The following LARP4 variants were observed in gnomAD, a reference collection of about 807,000 sequenced individuals.
LARP4 encodes la-related protein 4.
LARP4 carries 29 observed loss-of-function variants against 92.9 expected under a neutral mutation model. The ratio of observed to expected loss-of-function variants is 0.31; its 90% CI spans 0.23 to 0.43. LARP4 has a LOEUF of 0.43. Among genes scored for constraint, LARP4 ranks in the 20% least tolerant of loss-of-function variants. The probability of loss-of-function intolerance (pLI) is 1.00; values close to 1 mark genes in which losing one functional copy is unlikely to be tolerated. For synonymous variants in LARP4, 279 were observed against 284.1 expected, an observed-to-expected ratio of 0.98 and a Z score of 0.18; for missense variants, 732 against 860.0, an observed-to-expected ratio of 0.85 and a Z score of 1.86.
intron 8 of LARP4, among the ~76,000 whole-genome samples, chr12:50,448,907 A>G (rs1335127586): frequency 6.6e-6 from 1 of 152,174 alleles, no homozygotes; most frequent in African/African-American, 2.4e-5. Flanking sequence ...TCAAGTACCT[A>G]GTCACTTTTC....
intron 11 of LARP4, 47 bp downstream of exon 11, chr12:50,461,394 C>G: frequency 6.7e-7 from 1 of 1,502,236 alleles, no homozygotes; most frequent in Non-Finnish European, 9.2e-7. Context: ...ATGTGATCAT[C>G]CTGAATAATT....
chr12:50,413,646 G>A (rs1946285885), intron 1 of LARP4, among the ~76,000 whole-genome samples: 1 of 152,148 alleles, frequency 6.6e-6, no homozygotes, highest in African/African-American at 2.4e-5. Flanking sequence ...TGGGACCACT[G>A]TTGTACATGC....
chr12:50,421,700 G>A (rs1290134434), intron 1 of LARP4, among the ~76,000 whole-genome samples: 1 of 149,810 alleles, frequency 6.7e-6, no homozygotes, highest in Non-Finnish European at 1.5e-5. Flanking sequence ...TACTTTGTAA[G>A]TGGGGAGAAC....
intron 1 of LARP4, among the ~76,000 whole-genome samples, chr12:50,410,500 G>A (rs1040919930): frequency 1.3e-5 from 2 of 151,416 alleles, no homozygotes; most frequent in Admixed American, 6.6e-5. Context: ...CCACCTCCTG[G>A]GTTCACGCCA....
Position 50,427,748 on chromosome 12 carries a change from C to T in LARP4, c.19-14C>T. On this transcript the variant is annotated splice_polypyrimidine_tract_variant and intron_variant, in intron 1 of 15. Transcript: ENST00000398473. ...GATTTTAAAAATTTACAAATAGATC[C>T]TTCGATTATTTAGCAGGTAGCATCT... 4 of 1,464,412 alleles carry T rather than the reference C, an allele frequency of 2.7e-6. No individual in the cohort carries two copies. The highest frequency in any genetic ancestry group is 1.6e-5 in the South Asian group (1 of 64,222). 90.7% of individuals were successfully genotyped at this position (1,464,412 alleles called of 1,614,324 possible).
Position 50,453,561 on chromosome 12 carries a change from C to A in LARP4, c.906C>A (p.Ala302=), listed in dbSNP as rs372920975. 4 of 1,611,876 alleles carry A rather than the reference C, an allele frequency of 2.5e-6. No individual in the cohort carries two copies. In the African/African-American group the frequency reaches 5.3e-5, roughly 22 times the overall value. ...CCATTCAAACTCAAGCACAGTATGC[C>A]TCCCCAGTCTTTATGCAGCCTGTAT... ...SHPIQTQAQY[A]SPVFMQPVYN... Residue 302 remains alanine, a synonymous_variant, in exon 9 of 16, where the codon GCC becomes GCA. Transcript: ENST00000398473.
chr12:50,436,730 A>C (rs1950514639), intron 5 of LARP4, among the ~76,000 whole-genome samples: 1 of 152,204 alleles, frequency 6.6e-6, no homozygotes, highest in African/African-American at 2.4e-5. Flanking sequence ...ATTTGACTGA[A>C]TAAGGCAGAT....
chr12:50,464,230 G>T (rs1955847384), intron 12 of LARP4, among the ~76,000 whole-genome samples: 1 of 152,226 alleles, frequency 6.6e-6, no homozygotes, highest in African/African-American at 2.4e-5. Context: ...AGGCTGTACA[G>T]GAAGCATGAT....
chr12:50,414,213 T>G (rs573875893), intron 1 of LARP4, among the ~76,000 whole-genome samples: 67 of 152,344 alleles, frequency 4.4e-4, no homozygotes, highest in African/African-American at 1.6e-3. Context: ...CTTTGCACAT[T>G]TTCCCTGTTC....
intron 15 of LARP4, 127 bp from the exon 16 acceptor site, chr12:50,475,399 T>G: frequency 1.9e-5 from 14 of 719,750 alleles, no homozygotes; most frequent in Non-Finnish European, 2.6e-5. Flanking sequence ...GCAGTATATA[T>G]GAGAGTGCTT....
At chr12:50,411,202 T>G (rs981162069) in intron 1 of LARP4, among the ~76,000 whole-genome samples, 1 of 151,526 alleles carries the variant, frequency 6.6e-6, no homozygotes, top group East Asian at 1.9e-4. Context: ...TTTTTTTTTT[T>G]GAAGATAGTG....
intron 10 of LARP4, among the ~76,000 whole-genome samples, chr12:50,457,232 G>A (rs1302423544): frequency 7.2e-6 from 1 of 139,340 alleles, no homozygotes; most frequent in Non-Finnish European, 1.5e-5. Flanking sequence ...TAAAGACGGA[G>A]TTTTGCTCTT....
At chr12:50,468,726 A>G (rs902053040) in intron 13 of LARP4, among the ~76,000 whole-genome samples, 1 of 152,154 alleles carries the variant, frequency 6.6e-6, no homozygotes, top group East Asian at 1.9e-4. Context: ...TCCTCCTGAT[A>G]TATTGTACTT....
At position 50,459,822 on chromosome 12, in the gene LARP4, CAAAAAAAAAAAAAA is replaced by C. The variant is rs59855735; in HGVS notation, c.1122-1302_1122-1289del. On this transcript the variant is annotated intron_variant, in intron 10 of 15. Coordinates refer to ENST00000398473, the MANE Select transcript of LARP4 (RefSeq NM_052879.5). ...CTGGCGACAGAGCAAGACTCCGTAT[CAAAAAAAAAAAAAA>C]AAAAAAAAAAGGGTGTTATAGGCCA... is the stretch of plus-strand genomic sequence containing the variant. Among the ~76,000 whole-genome samples, 78 of 99,854 alleles carry C rather than the reference CAAAAAAAAAAAAAA, an allele frequency of 7.8e-4. 1 individual carries two copies. Among genetic ancestry groups the C allele is most frequent in the Non-Finnish European group, 1.2e-3 (63 of 54,238 alleles). The allele number at this position is 99,854 out of a possible 152,430, so 65.5% of individuals were successfully genotyped here.
chr12:50,428,711 G>A (rs1949188223), intron 2 of LARP4, among the ~76,000 whole-genome samples: 1 of 152,118 alleles, frequency 6.6e-6, no homozygotes, highest in Non-Finnish European at 1.5e-5. Flanking sequence ...TCTGATACAT[G>A]GATAATGCTA....
At chr12:50,475,390 C>A in intron 15 of LARP4, 136 bp from the exon 16 acceptor site, 2 of 665,866 alleles carry the variant, frequency 3.0e-6, no homozygotes, top group Non-Finnish European at 5.3e-6. Context: ...GTACTCTAAG[C>A]AGTATATATG....
rs957271608 is a variant in LARP4 at position 50,440,379 on chromosome 12, C to CA, written c.640-54dup. 4.0e-6 allele frequency: 5 copies of CA among 1,246,868 alleles called. No homozygotes were observed. In the African/African-American group the frequency reaches 4.5e-5, roughly 11 times the overall value. The allele number at this position is 1,246,868 out of a possible 1,614,324, so 77.2% of individuals were successfully genotyped here. A position where few individuals can be genotyped will look rare whatever the true frequency, so the allele number is the denominator to read the frequency against. On this transcript the variant is annotated intron_variant, in intron 6 of 15. Coordinates refer to ENST00000398473, the MANE Select transcript of LARP4 (RefSeq NM_052879.5). ...TTAACATTACTAGTAAACAAACCAA[C>CA]AAAAAATGCCAATTATTGATGTATT...
intron 7 of LARP4, 36 bp from the exon 8 acceptor site, chr12:50,441,554 A>G: frequency 7.0e-7 from 1 of 1,421,290 alleles, no homozygotes; most frequent in Non-Finnish European, 9.7e-7. Context: ...AAATGTTTGA[A>G]TGCTAATGAA....
chr12:50,401,375 GTAATCAGGT>G (rs1943799362), intron 1 of LARP4: 1 of 275,190 alleles, frequency 3.6e-6, no homozygotes, highest in Admixed American at 5.0e-5. Flanking sequence ...GGAGGAGAGG[GTAATCAGGT>G]GGGCGCGTTC....
Sources: gnomAD v4.1 joint callset for allele counts (sites outside exome capture counted in the v4.1 genomes callset) on GRCh38, gnomAD v4.1.1 for gene constraint, MANE v1.5 for transcripts, NCBI Gene and HGNC (gene_info 2026-07-23, HGNC 2026-07-21) for gene names.